The following KRT27 variants were observed in gnomAD, a reference collection of about 807,000 sequenced individuals.
The protein encoded by KRT27 is keratin, type I cytoskeletal 27.
Under a neutral mutation model 45.3 loss-of-function variants are expected in KRT27, and 30 were observed. That is an observed-to-expected ratio of 0.66 (90% CI 0.50 to 0.90). KRT27 has a LOEUF of 0.90. KRT27 is among the 40% of genes least tolerant of loss of function. The pLI is 0.00. For synonymous variants in KRT27, 204 were observed against 223.9 expected (o/e 0.91, Z 0.79); for missense variants, 610 against 564.3 (o/e 1.08, Z -0.82).
rs774927577 is a variant in KRT27, at chr17:40,780,263, G to T, written c.684+37C>A. 1.9e-6 allele frequency: 3 copies of T among 1,557,736 alleles called. No homozygotes were observed. The South Asian group carries it at 3.6e-5, about 19-fold the overall frequency. ...GAAATTAGTTTTAAAATTTGGTAGG[G>T]AGGCGATTGTGAGAGCCAGCCGGGT... is the stretch of plus-strand genomic sequence containing the variant. On this transcript the variant is annotated intron_variant, in intron 3 of 7. Coordinates refer to ENST00000301656, the MANE Select transcript of KRT27 (RefSeq NM_181537.4).
At position 40,780,426 on chromosome 17, in the gene KRT27, G is replaced by T. The variant is rs1381459601; in HGVS notation, c.558C>A (p.Ser186Arg). ...GCAAACCATTGATGTCCGCCTCCAC[G>T]CTCTGGTGAAGCGCTAGCTCGTTTT... ...KFENELALHQSVEADINGLRR... is the reference protein window; with the variant it reads ...KFENELALHQRVEADINGLRR... The change falls in exon 3 of 8, where the codon AGC becomes AGA. Residue 186 changes from serine to arginine, a missense_variant. Ser to Arg is a moderately radical substitution (Grantham distance 110). Transcript: ENST00000301656. 1 of 1,613,758 alleles carries T rather than the reference G, an allele frequency of 6.2e-7. No individual in the cohort carries two copies. Among genetic ancestry groups the T allele is most frequent in the Non-Finnish European group, 8.5e-7 (1 of 1,179,934 alleles).
intron 1 of KRT27, 59 bp downstream of exon 1, chr17:40,781,991 A>C: frequency 7.0e-7 from 1 of 1,432,592 alleles, no homozygotes; most frequent in Non-Finnish European, 9.5e-7. Context: ...ACATTTGTGC[A>C]TCTGTGAGTG....
In KRT27 at chr17:40,782,498, T is replaced by C. The variant is rs377558441; in HGVS notation, c.-5A>G. On this transcript the variant is annotated 5_prime_UTR_variant, in exon 1 of 8. Transcript: ENST00000301656. ...AGAAGAAAAGCGCACAGACATGGTG[T>C]CCGGAGGCTGGAGCCTTTGTTTCTG... 1.8e-5 allele frequency: 28 copies of C among 1,537,672 alleles called. No individual in the cohort carries two copies. The highest frequency in any genetic ancestry group is 1.2e-5 in the South Asian group (1 of 80,638).
rs188262942 is a variant in KRT27, at chr17:40,777,831, T to C, written c.973-99A>G. Reference sequence around the variant, plus strand: ...AATTAAGAGAATTATCCTTACATCATGCAAATAATTATATTTACCCAAAAG... The same window carrying C: ...AATTAAGAGAATTATCCTTACATCACGCAAATAATTATATTTACCCAAAAG... On this transcript the variant is annotated intron_variant, in intron 5 of 7. Transcript: ENST00000301656. 2,066 of 1,182,292 alleles carry C rather than the reference T, an allele frequency of 1.7e-3. 1 individual carries two copies. The highest frequency in any genetic ancestry group is 2.2e-3 in the Non-Finnish European group (1,854 of 827,636). 73.2% of individuals were successfully genotyped at this position (1,182,292 alleles called of 1,614,324 possible). A position where few individuals can be genotyped will look rare whatever the true frequency, so the allele number is the denominator to read the frequency against.
rs2038270966 is a variant in KRT27 at position 40,776,977 on chromosome 17, A to T, written c.*22T>A. 6.4e-7 allele frequency: 1 copy of T among 1,573,250 alleles called. No individual in the cohort carries two copies. The highest frequency in any genetic ancestry group is 1.4e-5 in the African/African-American group (1 of 73,702). ...ATTTTGGTATTTTAATTTGGGGGCC[A>T]TTCTGTCTCAGAGGCTGGAGTTCAG... is the stretch of plus-strand genomic sequence containing the variant. On this transcript the variant is annotated 3_prime_UTR_variant, in exon 8 of 8. Transcript: ENST00000301656.
chr17:40,782,453 G>C lies in KRT27; in HGVS notation c.41C>G (p.Ser14Cys). 1 of 1,602,680 alleles carries C rather than the reference G, an allele frequency of 6.2e-7. No homozygotes were observed. The highest frequency in any genetic ancestry group is 8.5e-7 in the Non-Finnish European group (1 of 1,174,506). Residue 14 changes from serine (S) to cysteine (C), a missense_variant, in exon 1 of 8, where the codon TCT becomes TGT. Ser to Cys is a moderately radical substitution (Grantham distance 112). Transcript: ENST00000301656. ...CCTCACAGAGCCAGTGCCCCCGCAA[G>C]AGCCAAGTCTCCTGGAGGTAGAAGA... ...RFSSTSRRLG[S>C]CGGTGSVRLS...
rs376178361 is a variant in KRT27, at chr17:40,782,187, G to A, written c.307C>T (p.Arg103Ter). The A allele has an allele frequency of 5.1e-5, 83 of 1,614,070 alleles. No homozygotes were observed. Among genetic ancestry groups the A allele is most frequent in the Non-Finnish European group, 6.4e-5 (76 of 1,180,048 alleles). ...DRLASYLENVRALEEANADLE... is the reference protein window; with the variant it reads ...DRLASYLENV ...TCAGCGTTGGCCTCCTCTAGGGCTCGAACATTCTCCAGGTAGGAGGCCAAG... is the reference window on the plus strand; with the variant it reads ...TCAGCGTTGGCCTCCTCTAGGGCTCAAACATTCTCCAGGTAGGAGGCCAAG... Residue 103 changes from arginine (R) to a stop codon, truncating the protein, a stop_gained, in exon 1 of 8, where the codon CGA becomes TGA. Coordinates refer to ENST00000301656, the MANE Select transcript of KRT27 (RefSeq NM_181537.4). LOFTEE classifies it high-confidence loss of function.
intron 1 of KRT27, 45 bp downstream of exon 1, chr17:40,782,005 A>G: frequency 6.5e-7 from 1 of 1,533,522 alleles, no homozygotes; most frequent in Non-Finnish European, 8.8e-7. Context: ...GTGAGTGGCT[A>G]AACACTCTCA....
intron 3 of KRT27, 70 bp from the exon 4 acceptor site, chr17:40,779,931 T>G: frequency 2.7e-6 from 4 of 1,502,176 alleles, no homozygotes; most frequent in Non-Finnish European, 3.6e-6. Flanking sequence ...AGTTAGGGTC[T>G]CGCTCTGATG....
In KRT27 at chr17:40,780,376, A is replaced by C. The variant is rs928321943; in HGVS notation, c.608T>G (p.Leu203Trp). 1 of 1,613,574 alleles carries C rather than the reference A, an allele frequency of 6.2e-7. No homozygotes were observed. The highest frequency in any genetic ancestry group is 8.5e-7 in the Non-Finnish European group (1 of 1,179,852). The change falls in exon 3 of 8, where the codon TTG becomes TGG. Residue 203 changes from leucine to tryptophan, a missense_variant. Leu to Trp is a moderately conservative substitution (Grantham distance 61). Transcript: ENST00000301656. ...GLRRVLDELT[L>W]CRTDLEIQLE... is the part of the protein sequence containing the mutation. ...CTGGATCTCCAGGTCCGTTCTGCAC[A>C]AGGTCAGCTCATCCAGGACTCTTCG...
At position 40,779,797 on chromosome 17, in the gene KRT27, C is replaced by G; in HGVS notation, c.749G>C (p.Gly250Ala). Residue 250 changes from glycine to alanine, a missense_variant, in exon 4 of 8, where the codon GGG becomes GCG. Transcript: ENST00000301656. ...GTTCAGCAGAACCGTGAGGTCTACCCCGGGGGCCGCGTTCATCTCCACGTT... is the reference window on the plus strand; with the variant it reads ...GTTCAGCAGAACCGTGAGGTCTACCGCGGGGGCCGCGTTCATCTCCACGTT... ...NVNVEMNAAP[G>A]VDLTVLLNNM... 2 of 1,614,244 alleles carry G rather than the reference C, an allele frequency of 1.2e-6. No individual in the cohort carries two copies. The highest frequency in any genetic ancestry group is 8.5e-7 in the Non-Finnish European group (1 of 1,180,044).
In KRT27 at chr17:40,782,223, G is replaced by T. The variant is rs760273853; in HGVS notation, c.271C>A (p.Leu91Ile). The T allele has an allele frequency of 1.2e-6, 2 of 1,614,196 alleles. No individual in the cohort carries two copies. The highest frequency in any genetic ancestry group is 3.3e-5 in the Admixed American group (2 of 60,020). ...AGGTAGGAGGCCAAGCGGTCGTTGAGGTTCTGCATGGTCACCTTCTCATTG... is the reference window on the plus strand; with the variant it reads ...AGGTAGGAGGCCAAGCGGTCGTTGATGTTCTGCATGGTCACCTTCTCATTG... ...SGNEKVTMQN[L>I]NDRLASYLEN... Residue 91 changes from leucine (L) to isoleucine (I), a missense_variant, in exon 1 of 8, where the codon CTC (leucine) becomes ATC (isoleucine). By Grantham distance (5) the Leu-to-Ile change is conservative. Coordinates refer to ENST00000301656, the MANE Select transcript of KRT27 (RefSeq NM_181537.4).
At position 40,777,031 on chromosome 17, in the gene KRT27, T is replaced by C. The variant is rs761092476; in HGVS notation, c.1348A>G (p.Asn450Asp). 2 of 1,613,620 alleles carry C rather than the reference T, an allele frequency of 1.2e-6. No individual in the cohort carries two copies. Among genetic ancestry groups the C allele is most frequent in the South Asian group, 1.1e-5 (1 of 91,026 alleles). ...HTVEEKSTKV[N>D]NKNEQRVSS ...GACACCCTCTGTTCATTCTTGTTGT[T>C]GACTTTGGTGGATTTCTCTTCCACA... The change falls in exon 8 of 8, where the codon AAC becomes GAC. Residue 450 changes from asparagine to aspartate, a missense_variant. Physicochemically the swap from Asn to Asp is conservative, Grantham distance 23 (BLOSUM62 1). Coordinates refer to ENST00000301656, the MANE Select transcript of KRT27 (RefSeq NM_181537.4).
chr17:40,777,594 A>G lies in KRT27; in HGVS notation c.1111T>C (p.Tyr371His). The change falls in exon 6 of 8, where the codon TAT (tyrosine) becomes CAT (histidine). Residue 371 changes from tyrosine to histidine, a missense_variant. Physicochemically the swap from Tyr to His is moderately conservative, Grantham distance 83. Transcript: ENST00000301656. ...RTETEGQKLEYEQLLDIKVHL... is the reference protein window; with the variant it reads ...RTETEGQKLEHEQLLDIKVHL... ...ACCTTGATGTCAAGGAGCTGCTCATACTCGAGCTTCTGGCCCTCGGTCTCG... is the reference window on the plus strand; with the variant it reads ...ACCTTGATGTCAAGGAGCTGCTCATGCTCGAGCTTCTGGCCCTCGGTCTCG... 1 of 1,613,810 alleles carries G rather than the reference A, an allele frequency of 6.2e-7. No individual in the cohort carries two copies. The highest frequency in any genetic ancestry group is 8.5e-7 in the Non-Finnish European group (1 of 1,179,884).
intron 7 of KRT27, 30 bp downstream of exon 7, chr17:40,777,223 C>T (rs755988922): frequency 3.1e-6 from 5 of 1,612,884 alleles, no homozygotes; most frequent in Non-Finnish European, 4.2e-6. Flanking sequence ...TACAAATAAA[C>T]ACTGAATGCC....
rs775157367 is a variant in KRT27, at chr17:40,777,681, G to A, written c.1024C>T (p.Gln342Ter). 9.9e-6 allele frequency: 16 copies of A among 1,614,040 alleles called. No homozygotes were observed. Among genetic ancestry groups the A allele is most frequent in the Non-Finnish European group, 1.2e-5 (14 of 1,180,042 alleles). The change falls in exon 6 of 8, where the codon CAG becomes TAG. Residue 342 changes from glutamine to a stop codon, truncating the protein, a stop_gained. Transcript: ENST00000301656. LOFTEE classifies it high-confidence loss of function. ...LTETESNYCA[Q>*]LAQIQAQIGA... ...ATCTGAGCCTGGATCTGTGCCAGCT[G>A]TGCACAGTAGTTACTCTCGGTCTCT...
At position 40,777,148 on chromosome 17, in the gene KRT27, C is replaced by T; in HGVS notation, c.1241-10G>A. ...GTGGTTTTAGATGAATCTAAAATGC[C>T]ACATATAAACTGTTTAGAATTTATC... On this transcript the variant is annotated splice_polypyrimidine_tract_variant and intron_variant, in intron 7 of 7. Transcript: ENST00000301656. The T allele has an allele frequency of 1.2e-6, 2 of 1,610,898 alleles. No homozygotes were observed. The highest frequency in any genetic ancestry group is 1.7e-6 in the Non-Finnish European group (2 of 1,178,246).
chr17:40,776,842 C>T lies in KRT27; in HGVS notation c.*157G>A. On this transcript the variant is annotated 3_prime_UTR_variant, in exon 8 of 8. Transcript: ENST00000301656. ...ACAGGAAGAACTTTTATTGAAACAC[C>T]ACCATAGAGAAAAAGCCAAAGAAAT... The T allele has an allele frequency of 1.7e-6, 1 of 596,296 alleles. No individual in the cohort carries two copies. The highest frequency in any genetic ancestry group is 2.8e-6 in the Non-Finnish European group (1 of 363,602). The allele number at this position is 596,296 out of a possible 1,614,324, so 36.9% of individuals were successfully genotyped here. A position where few individuals can be genotyped will look rare whatever the true frequency, so the allele number is the denominator to read the frequency against.
rs759612869 is a variant in KRT27, at chr17:40,782,107, A to T, written c.387T>A (p.Arg129=). 6.2e-6 allele frequency: 10 copies of T among 1,614,056 alleles called. No individual in the cohort carries two copies. Among genetic ancestry groups the T allele is most frequent in the Non-Finnish European group, 7.6e-6 (9 of 1,180,024 alleles). ...ATCTGCTGTAATCATGATCAAGGCC[A>T]CGGCAAGAACCAGGTCCAAATTTCT... The part of the protein sequence containing the change: ...WYEKFGPGSC[R]GLDHDYSRYF... Residue 129 remains arginine (R), a synonymous_variant, in exon 1 of 8, where the codon CGT becomes CGA. Coordinates refer to ENST00000301656, the MANE Select transcript of KRT27 (RefSeq NM_181537.4).
Sources: allele counts gnomAD v4.1 joint callset, GRCh38; gene constraint gnomAD v4.1.1; transcripts MANE v1.5; gene names NCBI Gene and HGNC (gene_info 2026-07-23, HGNC 2026-07-21).